Variants in EPHB2 observed in about 807,000 individuals in gnomAD.
EPHB2 encodes ephrin type-B receptor 2.
In EPHB2, 18 loss-of-function variants were observed where a neutral mutation model predicts 96.4. The ratio of observed to expected loss-of-function variants is 0.19; its 90% CI spans 0.13 to 0.28. The LOEUF is 0.28. Among genes scored for constraint, EPHB2 ranks in the 10% least tolerant of loss-of-function variants. The pLI, the probability that EPHB2 is intolerant of heterozygous loss-of-function variation, is 1.00. For missense variants in EPHB2, 989 were observed against 1,355.4 expected (o/e 0.73, Z 4.25); for synonymous variants, 506 against 534.1 (o/e 0.95, Z 0.72).
At chr1:22,761,183 C>A (rs975816159) in intron 1 of EPHB2, among the ~76,000 whole-genome samples, 1 of 152,286 alleles carries the variant, frequency 6.6e-6, no homozygotes, top group South Asian at 2.1e-4. Context: ...GTTTTTAAAA[C>A]GTGCCTGAGT....
chr1:22,885,756 C>T (rs1001197573), intron 6 of EPHB2, among the ~76,000 whole-genome samples: 2 of 114,132 alleles, frequency 1.8e-5, no homozygotes, highest in Admixed American at 9.0e-5. Context: ...CCATGGAGAA[C>T]GTTTAGGCAT....
intron 9 of EPHB2, among the ~76,000 whole-genome samples, chr1:22,899,489 G>A (rs985400176): frequency 6.6e-6 from 1 of 151,622 alleles, no homozygotes; most frequent in African/African-American, 2.4e-5. Flanking sequence ...CAACAAGAGT[G>A]AAACTCCATC....
chr1:22,833,211 A>G (rs1426653893), intron 3 of EPHB2, among the ~76,000 whole-genome samples: 2 of 151,816 alleles, frequency 1.3e-5, no homozygotes, highest in Non-Finnish European at 2.9e-5. Flanking sequence ...TCTGCCTCCC[A>G]GGTTCCAGCG....
chr1:22,729,149 A>C (rs1384512166), intron 1 of EPHB2, among the ~76,000 whole-genome samples: 2 of 152,196 alleles, frequency 1.3e-5, no homozygotes, highest in African/African-American at 2.4e-5. Context: ...ATTCTCTGTG[A>C]CATCTGTGCT....
chr1:22,835,580 T>C (rs563349750), intron 3 of EPHB2: 1 of 152,334 alleles, frequency 6.6e-6, no homozygotes, highest in South Asian at 2.1e-4. Flanking sequence ...TGTAGGCAAA[T>C]CATCTAGAAA....
chr1:22,773,164 T>C (rs908532384), intron 1 of EPHB2, among the ~76,000 whole-genome samples: 2 of 152,170 alleles, frequency 1.3e-5, no homozygotes, highest in Non-Finnish European at 1.5e-5. Flanking sequence ...CAGTGAAGTA[T>C]ACAGAGCAAG....
At chr1:22,772,310 G>T (rs975203984) in intron 1 of EPHB2, among the ~76,000 whole-genome samples, 128 of 152,252 alleles carry the variant, frequency 8.4e-4, no homozygotes, top group African/African-American at 3.0e-3. Context: ...GCGTCACAGG[G>T]ACTCCTCCGC....
intron 1 of EPHB2, among the ~76,000 whole-genome samples, chr1:22,722,029 C>G (rs1557635748): frequency 6.6e-6 from 1 of 152,166 alleles, no homozygotes; most frequent in African/African-American, 2.4e-5. Context: ...CTCACTGCAA[C>G]CTCTGCCTCC....
At chr1:22,792,174 A>G (rs1398838637) in intron 3 of EPHB2, among the ~76,000 whole-genome samples, 1 of 145,748 alleles carries the variant, frequency 6.9e-6, no homozygotes, top group Non-Finnish European at 1.5e-5. Context: ...CCAGTGGCCC[A>G]GAAGTGTCTG....
At chr1:22,767,645 T>C (rs1342290700) in intron 1 of EPHB2, among the ~76,000 whole-genome samples, 1 of 152,098 alleles carries the variant, frequency 6.6e-6, no homozygotes, top group African/African-American at 2.4e-5. Context: ...GGGGTGGAAG[T>C]AGCATTCCCT....
Position 22,863,374 on chromosome 1 carries a change from C to G in EPHB2, c.967+182C>G. ...TGGCCATGCTCCCACCTTGCAGACA[C>G]CACAGTGCTGGCATCTGGCTCCTTA... On this transcript the variant is annotated intron_variant, in intron 4 of 15. Transcript: ENST00000374630. 3.3e-6 allele frequency: 3 copies of G among 909,700 alleles called. No homozygotes were observed. The South Asian group carries it at 4.7e-5, about 14-fold the overall frequency. 56.4% of individuals were successfully genotyped at this position (909,700 alleles called of 1,614,324 possible).
chr1:22,797,481 A>C, intron 3 of EPHB2, among the ~76,000 whole-genome samples: 1 of 150,736 alleles, frequency 6.6e-6, no homozygotes, highest in Non-Finnish European at 1.5e-5. Context: ...CGACCTCTCC[A>C]CCTTGGAGGG....
intron 4 of EPHB2, 130 bp downstream of exon 4, chr1:22,863,322 A>G: frequency 1.3e-6 from 2 of 1,488,302 alleles, no homozygotes; most frequent in Non-Finnish European, 1.8e-6. Flanking sequence ...GAAATGGAAA[A>G]GTGCTCAAGA....
chr1:22,874,423 A>G (rs957204259), intron 5 of EPHB2, among the ~76,000 whole-genome samples: 6 of 152,256 alleles, frequency 3.9e-5, no homozygotes, highest in African/African-American at 9.6e-5. Flanking sequence ...ACAACCCACT[A>G]GGAGATGGGT....
chr1:22,814,120 A>G (rs1645039966), intron 3 of EPHB2, among the ~76,000 whole-genome samples: 1 of 152,158 alleles, frequency 6.6e-6, no homozygotes, highest in Non-Finnish European at 1.5e-5. Context: ...CAGTGAGCCG[A>G]GATCGCGCCA....
In EPHB2 at chr1:22,908,958, A is replaced by G. The variant is rs1380215374; in HGVS notation, c.2353-64A>G. 6.2e-6 allele frequency: 10 copies of G among 1,604,784 alleles called. No individual in the cohort carries two copies. In the Admixed American group the frequency reaches 1.7e-4, roughly 27 times the overall value. On this transcript the variant is annotated intron_variant, in intron 12 of 15. Coordinates refer to ENST00000374630, the MANE Select transcript of EPHB2 (RefSeq NM_017449.5). ...GCATCACAGGGCACAGGGTGGGAGG[A>G]TTAAGAGAAGAGGTCAGACAGGCCA...
chr1:22,844,309 C>CACATA (rs1280755122), intron 3 of EPHB2, among the ~76,000 whole-genome samples: 2 of 152,214 alleles, frequency 1.3e-5, no homozygotes, highest in African/African-American at 4.8e-5. Context: ...CATAAGAAGA[C>CACATA]AGAGACTCAG....
At chr1:22,775,511 G>C (rs200910443) in intron 1 of EPHB2, among the ~76,000 whole-genome samples, 3 of 152,370 alleles carry the variant, frequency 2.0e-5, no homozygotes, top group East Asian at 3.9e-4. Context: ...CGGAGAATAG[G>C]GAGCAACCAC....
chr1:22,750,668 T>C (rs78628615), intron 1 of EPHB2, among the ~76,000 whole-genome samples: 9,439 of 152,282 alleles, frequency 0.062, 833 homozygotes, highest in African/African-American at 0.19. Context: ...GCTAGGGAGC[T>C]GGAATGCCAG....
Sources: gnomAD v4.1 joint callset for allele counts (sites outside exome capture counted in the v4.1 genomes callset) on GRCh38, gnomAD v4.1.1 for gene constraint, MANE v1.5 for transcripts, NCBI Gene and HGNC (gene_info 2026-07-23, HGNC 2026-07-21) for gene names.